The following PCDHGB6 variants were observed in gnomAD, a reference collection of about 807,000 sequenced individuals.
PCDHGB6 encodes the protein protocadherin gamma subfamily B, 6, also known as protocadherin gamma-B6.
PCDHGB6 carries 51 observed loss-of-function variants against 59.1 expected under a neutral mutation model. The ratio of observed to expected loss-of-function variants is 0.86; its 90% confidence interval spans 0.69 to 1.09. The LOEUF is 1.09. PCDHGB6 is among the 50% of genes least tolerant of loss of function. PCDHGB6 has a pLI of 0.00. For synonymous variants in PCDHGB6, 466 were observed against 495.1 expected, an observed-to-expected ratio of 0.94 and a Z score of 0.78; for missense variants, 1,148 against 1,205.1, an observed-to-expected ratio of 0.95 and a Z score of 0.70.
intron 1 of PCDHGB6, chr5:141,418,786 TGAA>T: frequency 1.2e-6 from 2 of 1,613,854 alleles, no homozygotes; most frequent in Non-Finnish European, 8.5e-7. Flanking sequence ...CTTTGGATTT[TGAA>T]GAAGTAGAAA....
chr5:141,487,361 A>C lies in PCDHGB6; in HGVS notation c.2419-7446A>C. On this transcript the variant is annotated intron_variant, in intron 1 of 3. Transcript: ENST00000520790. This position sits in a 1 kb window ranked among gnomAD's most constrained non-coding sequence, Gnocchi z 5.0. ...TGGAGTCACATGCTTTCCTGCTGGC[A>C]CCTGTGCCTGTCTCACCAGATCTCG... The C allele has an allele frequency of 1.2e-6, 2 of 1,613,834 alleles. No individual in the cohort carries two copies. Among genetic ancestry groups the C allele is most frequent in the East Asian group, 2.2e-5 (1 of 44,860 alleles).
rs376415955 is a variant in PCDHGB6, at chr5:141,432,082, C to T, written c.2418+21462C>T. ...CCACGGAAACTCATATCTCGCTGAACGTGGCAGACACCAACGACAACCCGC... is the reference window on the plus strand; with the variant it reads ...CCACGGAAACTCATATCTCGCTGAATGTGGCAGACACCAACGACAACCCGC... On this transcript the variant is annotated intron_variant, in intron 1 of 3. Transcript: ENST00000520790. This position sits in a 1 kb window ranked among gnomAD's most constrained non-coding sequence, Gnocchi z 6.0. The T allele has an allele frequency of 3.1e-6, 5 of 1,614,184 alleles. No homozygotes were observed. Among genetic ancestry groups the T allele is most frequent in the Non-Finnish European group, 4.2e-6 (5 of 1,180,028 alleles).
chr5:141,450,581 G>A (rs2098686464), intron 1 of PCDHGB6, among the ~76,000 whole-genome samples: 1 of 151,878 alleles, frequency 6.6e-6, no homozygotes, highest in Non-Finnish European at 1.5e-5. Context: ...CTGCCTCCCA[G>A]GTTCAAGCAA....
intron 1 of PCDHGB6, chr5:141,413,021 C>A: frequency 2.8e-6 from 2 of 714,374 alleles, no homozygotes; most frequent in Non-Finnish European, 4.4e-6. Context: ...TACACAAGCC[C>A]CACAAACCGG....
chr5:141,480,217 G>A (rs1443825272), intron 1 of PCDHGB6, among the ~76,000 whole-genome samples: 2 of 147,950 alleles, frequency 1.4e-5, no homozygotes, highest in Non-Finnish European at 3.0e-5. Context: ...CAGCCTGAGC[G>A]ACATAGTGAG....
At position 141,431,192 on chromosome 5, in the gene PCDHGB6, A is replaced by T. The variant is rs769745353; in HGVS notation, c.2418+20572A>T. 8.7e-6 allele frequency: 14 copies of T among 1,614,042 alleles called. No homozygotes were observed. Among genetic ancestry groups the T allele is most frequent in the African/African-American group, 2.7e-5 (2 of 74,912 alleles). On this transcript the variant is annotated intron_variant, in intron 1 of 3. Coordinates refer to ENST00000520790, the MANE Select transcript of PCDHGB6 (RefSeq NM_018926.3). This position sits in a 1 kb window ranked among gnomAD's most constrained non-coding sequence, Gnocchi z 4.8. ...TGAATTAGAAATAAAAATTAGTGAA[A>T]ATGCAGCCACTGAGATGCGGTTCCC...
chr5:141,436,384 C>A lies in PCDHGB6; in HGVS notation c.2418+25764C>A, dbSNP rs1048094484. 2.6e-5 allele frequency among the ~76,000 whole-genome samples: 4 copies of A among 152,222 alleles called. 1 individual carries two copies. Among genetic ancestry groups the A allele is most frequent in the Non-Finnish European group, 4.4e-5 (3 of 67,978 alleles). On this transcript the variant is annotated intron_variant, in intron 1 of 3. Coordinates refer to ENST00000520790, the MANE Select transcript of PCDHGB6 (RefSeq NM_018926.3). The stretch of plus-strand genomic sequence containing the variant: ...ATGTTTCCAGTTTAAGCTGAATAGG[C>A]TTTATTAAATAGTTGTTGAATGAAT...
rs956295940 is a variant in PCDHGB6 at position 141,477,700 on chromosome 5, G to T, written c.2419-17107G>T. The T allele has an allele frequency of 1.2e-6, 2 of 1,613,954 alleles. No individual in the cohort carries two copies. Among genetic ancestry groups the T allele is most frequent in the African/African-American group, 2.7e-5 (2 of 74,928 alleles). On this transcript the variant is annotated intron_variant, in intron 1 of 3. Coordinates refer to ENST00000520790, the MANE Select transcript of PCDHGB6 (RefSeq NM_018926.3). This position sits in a 1 kb window ranked among gnomAD's most constrained non-coding sequence, Gnocchi z 4.9. ...CATCCTTAGTGCCCCTAGACTATGAGGATCGGCGGGAATTTGAATTAACAG... is the reference window on the plus strand; with the variant it reads ...CATCCTTAGTGCCCCTAGACTATGATGATCGGCGGGAATTTGAATTAACAG...
At chr5:141,501,366 T>G (rs1297210978) in intron 2 of PCDHGB6, among the ~76,000 whole-genome samples, 1 of 150,672 alleles carries the variant, frequency 6.6e-6, no homozygotes, top group Non-Finnish European at 1.5e-5. Flanking sequence ...ACCATATTCA[T>G]CATCTCTTAA....
intron 2 of PCDHGB6, among the ~76,000 whole-genome samples, chr5:141,498,962 A>G (rs1257746192): frequency 8.0e-6 from 1 of 124,866 alleles, no homozygotes; most frequent in Non-Finnish European, 1.7e-5. Context: ...AGAGAGAGGG[A>G]GGGAGGGAGG....
intron 1 of PCDHGB6, chr5:141,417,791 C>T: frequency 6.7e-7 from 1 of 1,482,658 alleles, no homozygotes; most frequent in Non-Finnish European, 9.0e-7. Context: ...GCCGAATGCT[C>T]TTTTAGCGCG....
At chr5:141,503,736 T>C (rs1381045077) in intron 2 of PCDHGB6, among the ~76,000 whole-genome samples, 4 of 152,202 alleles carry the variant, frequency 2.6e-5, no homozygotes, top group African/African-American at 9.6e-5. Context: ...TTTGTTGTGA[T>C]GGTATAGAGG....
At position 141,486,905 on chromosome 5, in the gene PCDHGB6, C is replaced by G. The variant is rs1463391292; in HGVS notation, c.2419-7902C>G. On this transcript the variant is annotated intron_variant, in intron 1 of 3. Coordinates refer to ENST00000520790, the MANE Select transcript of PCDHGB6 (RefSeq NM_018926.3). This position sits in a 1 kb window ranked among gnomAD's most constrained non-coding sequence, Gnocchi z 5.0. ...GGCCCGGCCTGGTTCCTTATGTCCC[C>G]AAGCACTGCCTCCATCAGTTGGTGC... 1 of 1,614,250 alleles carries G rather than the reference C, an allele frequency of 6.2e-7. No individual in the cohort carries two copies. The highest frequency in any genetic ancestry group is 1.3e-5 in the African/African-American group (1 of 75,066).
Position 141,485,138 on chromosome 5 carries a change from T to A in PCDHGB6, c.2419-9669T>A, listed in dbSNP as rs374309554. On this transcript the variant is annotated intron_variant, in intron 1 of 3. Coordinates refer to ENST00000520790, the MANE Select transcript of PCDHGB6 (RefSeq NM_018926.3). This position sits in a 1 kb window ranked among gnomAD's most constrained non-coding sequence, Gnocchi z 5.7. ...TTGGGGCGGGTCGGCTTCATCCGCG[T>A]CTCAGGAGCAAGTAGAGAATTAGCG... is the stretch of plus-strand genomic sequence containing the variant. 17 of 1,528,690 alleles carry A rather than the reference T, an allele frequency of 1.1e-5. No individual in the cohort carries two copies. The highest frequency in any genetic ancestry group is 1.3e-5 in the Non-Finnish European group (14 of 1,109,458). 94.7% of individuals were successfully genotyped at this position (1,528,690 alleles called of 1,614,324 possible).
intron 2 of PCDHGB6, among the ~76,000 whole-genome samples, chr5:141,500,501 G>A (rs571735791): frequency 1.3e-5 from 2 of 152,058 alleles, no homozygotes; most frequent in Non-Finnish European, 2.9e-5. Context: ...GAGCCACCGC[G>A]CCTGGCCGAG....
In PCDHGB6 at chr5:141,489,094, G is replaced by T; in HGVS notation, c.2419-5713G>T. The T allele has an allele frequency of 1.5e-5, 6 of 395,994 alleles. No homozygotes were observed. The highest frequency in any genetic ancestry group is 4.1e-5 in the East Asian group (1 of 24,388). The allele number at this position is 395,994 out of a possible 1,614,324, so 24.5% of individuals were successfully genotyped here. ...CCCACCCCCGCCACTCGGTGACTAA[G>T]AACTGCTGCAAGCAGGCAAACCTCC... On this transcript the variant is annotated intron_variant, in intron 1 of 3. Coordinates refer to ENST00000520790, the MANE Select transcript of PCDHGB6 (RefSeq NM_018926.3). This position sits in a 1 kb window ranked among gnomAD's most constrained non-coding sequence, Gnocchi z 4.5.
At chr5:141,419,808 G>A in intron 1 of PCDHGB6, 2 of 1,614,066 alleles carry the variant, frequency 1.2e-6, no homozygotes, top group Non-Finnish European at 8.5e-7. Flanking sequence ...AGAGATGGAG[G>A]ACAGCCACCC....
Position 141,490,522 on chromosome 5 carries a change from G to A in PCDHGB6, c.2419-4285G>A, listed in dbSNP as rs191201177. ...CTATATCATCGAGCTGCTGGCCAGC[G>A]ATGCTGGTTCACCTTCCCTACACAA... On this transcript the variant is annotated intron_variant, in intron 1 of 3. Transcript: ENST00000520790. This position sits in a 1 kb window ranked among gnomAD's most constrained non-coding sequence, Gnocchi z 5.4. 5.0e-6 allele frequency: 8 copies of A among 1,614,054 alleles called. No homozygotes were observed. Among genetic ancestry groups the A allele is most frequent in the Admixed American group, 3.3e-5 (2 of 60,010 alleles).
chr5:141,467,296 A>G lies in PCDHGB6; in HGVS notation c.2419-27511A>G, dbSNP rs1032802325. Among the ~76,000 whole-genome samples the G allele has an allele frequency of 6.6e-5, 10 of 151,858 alleles. No individual in the cohort carries two copies. The East Asian group carries it at 9.7e-4, about 15-fold the overall frequency. On this transcript the variant is annotated intron_variant, in intron 1 of 3. Transcript: ENST00000520790. The stretch of plus-strand genomic sequence containing the variant: ...TCGAACTCTTGACCTCAAGTGATCC[A>G]CTCACCTCGGCCTCCCACAGTGCTG...
Sources: allele counts gnomAD v4.1 joint callset (sites outside exome capture counted in the v4.1 genomes callset), GRCh38; gene constraint gnomAD v4.1.1; non-coding constraint Gnocchi (gnomAD v3.1); transcripts MANE v1.5; gene names NCBI Gene and HGNC (gene_info 2026-07-23, HGNC 2026-07-21).